PGBD1: variants seen among roughly 807,000 people sequenced by gnomAD.
PGBD1 encodes piggyBac transposable element-derived protein 1.
Under a neutral mutation model 34.7 loss-of-function variants are expected in PGBD1, and 25 were observed. That is an observed-to-expected ratio of 0.72 (90% CI 0.52 to 1.00). The LOEUF (loss-of-function observed/expected upper bound fraction) is 1.00, where lower values mean the gene tolerates loss of function less well. Among genes scored for constraint, PGBD1 ranks in the 50% least tolerant of loss-of-function variants. PGBD1 has a pLI of 0.00. For synonymous variants in PGBD1, 292 were observed against 335.7 expected, an observed-to-expected ratio of 0.87 and a Z score of 1.42; for missense variants, 830 against 959.4, an observed-to-expected ratio of 0.87 and a Z score of 1.78.
Position 28,300,692 on chromosome 6 carries a change from T to G in PGBD1, c.870-32T>G. ...ATGTGTGAGAGAATATGATTGAGGA[T>G]TTTTATAACATGTTCTTTTTTTCTT... On this transcript the variant is annotated intron_variant, in intron 6 of 6. Transcript: ENST00000682144. The surrounding 1 kb of genome is among the most constrained non-coding windows in gnomAD (Gnocchi z 4.0). 1 of 1,571,676 alleles carries G rather than the reference T, an allele frequency of 6.4e-7. No individual in the cohort carries two copies. The highest frequency in any genetic ancestry group is 8.6e-7 in the Non-Finnish European group (1 of 1,161,858).
At chr6:28,283,225 A>G (rs528309269) in intron 1 of PGBD1, among the ~76,000 whole-genome samples, 1 of 152,156 alleles carries the variant, frequency 6.6e-6, no homozygotes, top group Non-Finnish European at 1.5e-5. Context: ...CTCTCTTACA[A>G]TGTCATTTCT....
chr6:28,302,450 A>C lies in PGBD1; in HGVS notation c.*166A>C. 2 of 727,936 alleles carry C rather than the reference A, an allele frequency of 2.7e-6. No homozygotes were observed. Among genetic ancestry groups the C allele is most frequent in the African/African-American group, 1.8e-5 (1 of 55,912 alleles). The allele number at this position is 727,936 out of a possible 1,614,324, so 45.1% of individuals were successfully genotyped here. On this transcript the variant is annotated 3_prime_UTR_variant, in exon 7 of 7. Coordinates refer to ENST00000682144, the MANE Select transcript of PGBD1 (RefSeq NM_032507.4). The stretch of plus-strand genomic sequence containing the variant: ...TAGAGTTTCAAAGACTATTGTAACA[A>C]GTAATGTTAAAAATTGTCTGTGAGA...
rs771253486 is a variant in PGBD1 at position 28,283,923 on chromosome 6, C to A, written c.110C>A (p.Ser37Tyr). Residue 37 changes from serine to tyrosine, a missense_variant, in exon 2 of 7, where the codon TCC becomes TAC. Around this residue, in one of 3 missense-constraint regions of PGBD1, gnomAD observed 457 missense variants for 515.4 expected, o/e 0.89. Transcript: ENST00000682144. ...GTGTGCAACTCACAGGAGGGCAGCTCCCACACTCAGGAGATTTGCCGCCTG... is the reference window on the plus strand; with the variant it reads ...GTGTGCAACTCACAGGAGGGCAGCTACCACACTCAGGAGATTTGCCGCCTG... ...EQVCNSQEGS[S>Y]HTQEICRLRF... is the part of the protein sequence containing the mutation. 6.2e-7 allele frequency: 1 copy of A among 1,614,054 alleles called. No individual in the cohort carries two copies.
chr6:28,300,725 G>C lies in PGBD1; in HGVS notation c.871G>C (p.Glu291Gln). 6.3e-7 allele frequency: 1 copy of C among 1,597,906 alleles called. No homozygotes were observed. The highest frequency in any genetic ancestry group is 8.5e-7 in the Non-Finnish European group (1 of 1,173,246). Reference sequence around the variant, plus strand: ...ACATGTTCTTTTTTTCTTTCCCAGAGAGTGTGCACCCCAGATTCCTTGTAG... The same window carrying C: ...ACATGTTCTTTTTTTCTTTCCCAGACAGTGTGCACCCCAGATTCCTTGTAG... ...SGEASGKPNR[E>Q]CAPQIPCSTP... Residue 291 changes from glutamate to glutamine, a missense_variant and splice_region_variant, in exon 7 of 7, where the codon GAG becomes CAG. Physicochemically the swap from Glu to Gln is conservative, Grantham distance 29. This residue lies in a region of PGBD1 where 457 missense variants were observed against 515.4 expected (regional missense o/e 0.89). Transcript: ENST00000682144. This position sits in a 1 kb window ranked among gnomAD's most constrained non-coding sequence, Gnocchi z 4.0.
rs763923129 is a variant in PGBD1, at chr6:28,296,919, A to G, written c.746A>G (p.Glu249Gly). 3 of 1,614,018 alleles carry G rather than the reference A, an allele frequency of 1.9e-6. No homozygotes were observed. The highest frequency in any genetic ancestry group is 2.5e-6 in the Non-Finnish European group (3 of 1,180,004). The change falls in exon 5 of 7, where the codon GAG (glutamate) becomes GGG (glycine). Residue 249 changes from glutamate to glycine, a missense_variant. Coordinates refer to ENST00000682144, the MANE Select transcript of PGBD1 (RefSeq NM_032507.4). ...RRNLCGNSAQ[E>G]TVMSLSPMTE... The stretch of plus-strand genomic sequence containing the variant: ...AACCTCTGTGGGAACTCAGCTCAGG[A>G]GACAGTTATGAGCCTCAGTCCGATG...
chr6:28,293,122 T>C (rs889709723), intron 4 of PGBD1, among the ~76,000 whole-genome samples: 1 of 152,092 alleles, frequency 6.6e-6, no homozygotes, highest in Non-Finnish European at 1.5e-5. Context: ...TTTGTATTTT[T>C]AGTAGAGATG....
chr6:28,292,928 TTTTTC>T (rs763349499), intron 4 of PGBD1, among the ~76,000 whole-genome samples: 5 of 151,960 alleles, frequency 3.3e-5, no homozygotes, highest in African/African-American at 4.8e-5. Context: ...CATGGAGCTT[TTTTTC>T]TTTTCTTTTC....
rs564381028 is a variant in PGBD1 at position 28,287,106 on chromosome 6, C to T, written c.580C>T (p.Leu194Phe). The T allele has an allele frequency of 6.2e-7, 1 of 1,614,070 alleles. No individual in the cohort carries two copies. The highest frequency in any genetic ancestry group is 1.7e-5 in the Admixed American group (1 of 60,026). Residue 194 changes from leucine (L) to phenylalanine (F), a missense_variant, in exon 4 of 7, where the codon CTC (leucine) becomes TTC (phenylalanine). This residue lies in a region of PGBD1 where 457 missense variants were observed against 515.4 expected (regional missense o/e 0.89). Coordinates refer to ENST00000682144, the MANE Select transcript of PGBD1 (RefSeq NM_032507.4). Reference protein sequence around the residue: ...SGPVPHGSAHLQEKNPRDKAV... With the variant: ...SGPVPHGSAHFQEKNPRDKAV... ...GCCTGTTCCCCACGGATCAGCTCAT[C>T]TCCAGGAAAAAAACCCCAGAGACAA...
In PGBD1 at chr6:28,301,301, G is replaced by A. The variant is rs1762831299; in HGVS notation, c.1447G>A (p.Asp483Asn). Residue 483 changes from aspartate to asparagine, a missense_variant, in exon 7 of 7, where the codon GAC becomes AAC. Asp to Asn is a conservative substitution (Grantham distance 23). Coordinates refer to ENST00000682144, the MANE Select transcript of PGBD1 (RefSeq NM_032507.4). Reference protein sequence around the residue: ...PRREMYWEVSDTDQNLVRDAI... With the variant: ...PRREMYWEVSNTDQNLVRDAI... ...AAGGGAAATGTATTGGGAAGTCTCTGACACCGATCAGAACCTGGTTAGAGA... is the reference window on the plus strand; with the variant it reads ...AAGGGAAATGTATTGGGAAGTCTCTAACACCGATCAGAACCTGGTTAGAGA... The A allele has an allele frequency of 6.2e-7, 1 of 1,614,002 alleles. No homozygotes were observed. The highest frequency in any genetic ancestry group is 8.5e-7 in the Non-Finnish European group (1 of 1,180,044).
At chr6:28,291,310 T>C (rs551126877) in intron 4 of PGBD1, among the ~76,000 whole-genome samples, 1 of 151,866 alleles carries the variant, frequency 6.6e-6, no homozygotes, top group East Asian at 1.9e-4. Context: ...TAGAGACTTA[T>C]GAACAACTAT....
chr6:28,302,268 C>T lies in PGBD1; in HGVS notation c.2414C>T (p.Ala805Val), dbSNP rs1232769465. The T allele has an allele frequency of 2.5e-6, 4 of 1,612,120 alleles. No individual in the cohort carries two copies. The highest frequency in any genetic ancestry group is 3.4e-6 in the Non-Finnish European group (4 of 1,178,468). The change falls in exon 7 of 7, where the codon GCT becomes GTT. Residue 805 changes from alanine (A) to valine (V), a missense_variant. Coordinates refer to ENST00000682144, the MANE Select transcript of PGBD1 (RefSeq NM_032507.4). ...GCACATTTCTACTTGGAACACAATGCTCATCTGTCAGATTAGGGTACATAA... is the reference window on the plus strand; with the variant it reads ...GCACATTTCTACTTGGAACACAATGTTCATCTGTCAGATTAGGGTACATAA... ...FVAHFYLEHN[A>V]HLSD
intron 4 of PGBD1, among the ~76,000 whole-genome samples, chr6:28,290,569 C>T (rs1451463335): frequency 5.3e-5 from 8 of 152,068 alleles, no homozygotes; most frequent in Admixed American, 2.6e-4. Context: ...AACAGAGAAA[C>T]GATGGAATTA....
Position 28,301,493 on chromosome 6 carries a change from A to C in PGBD1, c.1639A>C (p.Lys547Gln). Residue 547 changes from lysine (K) to glutamine (Q), a missense_variant, in exon 7 of 7, where the codon AAG (lysine) becomes CAG (glutamine). Around this residue, in one of 3 missense-constraint regions of PGBD1, gnomAD observed 372 missense variants for 427.9 expected, o/e 0.87. Coordinates refer to ENST00000682144, the MANE Select transcript of PGBD1 (RefSeq NM_032507.4). ...APLEEYYCFDKSMCECFDSDQ... is the reference protein window; with the variant it reads ...APLEEYYCFDQSMCECFDSDQ... ...CCTGGAAGAATACTATTGCTTTGAT[A>C]AGTCAATGTGTGAATGCTTTGATAG... 1.9e-6 allele frequency: 3 copies of C among 1,614,040 alleles called. No homozygotes were observed. Among genetic ancestry groups the C allele is most frequent in the Non-Finnish European group, 2.5e-6 (3 of 1,179,960 alleles).
chr6:28,300,891 A>G lies in PGBD1; in HGVS notation c.1037A>G (p.Asp346Gly). Residue 346 changes from aspartate (D) to glycine (G), a missense_variant, in exon 7 of 7, where the codon GAC becomes GGC. Around this residue, in one of 3 missense-constraint regions of PGBD1, gnomAD observed 457 missense variants for 515.4 expected, o/e 0.89. Transcript: ENST00000682144. The surrounding 1 kb of genome is among the most constrained non-coding windows in gnomAD (Gnocchi z 4.0). ...GDITRKGRKK[D>G]KARVSELLQG... Reference sequence around the variant, plus strand: ...ATTACCCGAAAAGGGAGAAAAAAAGACAAAGCTCGAGTGAGTGAACTGCTC... The same window carrying G: ...ATTACCCGAAAAGGGAGAAAAAAAGGCAAAGCTCGAGTGAGTGAACTGCTC... The G allele has an allele frequency of 1.2e-6, 2 of 1,614,176 alleles. No individual in the cohort carries two copies. Among genetic ancestry groups the G allele is most frequent in the South Asian group, 1.1e-5 (1 of 91,084 alleles).
chr6:28,301,933 CATT>C lies in PGBD1; in HGVS notation c.2082_2084del (p.Ile695del). ...TTTTGTGTCGTTGGTATGGGGATGG[CATT>C]ATCAGTCTGTGCTCCAATGCTGTGG... On this transcript the variant is annotated inframe_deletion, in exon 7 of 7. Coordinates refer to ENST00000682144, the MANE Select transcript of PGBD1 (RefSeq NM_032507.4). 1.2e-6 allele frequency: 2 copies of C among 1,614,112 alleles called. No individual in the cohort carries two copies.
At chr6:28,297,845 T>TTTAAAAATA in intron 5 of PGBD1, 50 bp from the exon 6 acceptor site, 1 of 283,632 alleles carries the variant, frequency 3.5e-6, no homozygotes, top group Non-Finnish European at 6.6e-6. Context: ...TTTTTTTTTT[T>TTTAAAAATA]CAAAATTCAC....
intron 4 of PGBD1, among the ~76,000 whole-genome samples, chr6:28,294,933 C>T (rs1762582178): frequency 6.6e-6 from 1 of 152,154 alleles, no homozygotes; most frequent in Admixed American, 6.5e-5. Flanking sequence ...AAGGCTATAG[C>T]TGCCATAGAT....
At chr6:28,298,067 G>A in intron 6 of PGBD1, 76 bp downstream of exon 6, 1 of 987,040 alleles carries the variant, frequency 1.0e-6, no homozygotes. Flanking sequence ...AAACCAATTG[G>A]TCAAAGGCCT....
At chr6:28,282,771 G>A (rs1762167738) in intron 1 of PGBD1, among the ~76,000 whole-genome samples, 1 of 152,106 alleles carries the variant, frequency 6.6e-6, no homozygotes, top group African/African-American at 2.4e-5. Context: ...CACAGCTGCT[G>A]GCATTTCAAG....
Sources: gnomAD v4.1 joint callset for allele counts (sites outside exome capture counted in the v4.1 genomes callset) on GRCh38, gnomAD v4.1.1 for gene constraint, gnomAD v4.1.1 regional missense constraint, Gnocchi (gnomAD v3.1) non-coding constraint, MANE v1.5 for transcripts, NCBI Gene and HGNC (gene_info 2026-07-23, HGNC 2026-07-21) for gene names.